Variants in ARHGAP15 observed in about 807,000 individuals in gnomAD.
The protein encoded by ARHGAP15 is Rho GTPase activating protein 15.
A neutral mutation model predicts 63.7 loss-of-function variants in ARHGAP15; 51 were observed. The ratio of observed to expected loss-of-function variants is 0.80; its 90% CI spans 0.64 to 1.01. The LOEUF is 1.01. Among genes scored for constraint, ARHGAP15 ranks in the 50% least tolerant of loss-of-function variants. ARHGAP15 has a pLI of 0.00. For missense variants in ARHGAP15, 560 were observed against 564.6 expected (o/e 0.99, Z 0.08); for synonymous variants, 191 against 193.8 (o/e 0.99, Z 0.12).
intron 6 of ARHGAP15, among the ~76,000 whole-genome samples, chr2:143,326,451 C>T (rs1449157641): frequency 6.6e-6 from 1 of 152,176 alleles, no homozygotes; most frequent in East Asian, 1.9e-4. Context: ...CTCTACACAG[C>T]ACTATTGAGA....
intron 11 of ARHGAP15, among the ~76,000 whole-genome samples, chr2:143,579,404 A>C (rs1488041851): frequency 6.6e-6 from 1 of 152,178 alleles, no homozygotes; most frequent in Non-Finnish European, 1.5e-5. Flanking sequence ...ATCTGTTTAA[A>C]TTTGAGTACC....
At chr2:143,188,044 GT>G (rs1226408983) in intron 2 of ARHGAP15, among the ~76,000 whole-genome samples, 2 of 151,866 alleles carry the variant, frequency 1.3e-5, no homozygotes, top group Admixed American at 6.6e-5. Context: ...CAACAGCTTT[GT>G]TTTTTTGTTG....
At chr2:143,565,940 A>T (rs1696201610) in intron 11 of ARHGAP15, among the ~76,000 whole-genome samples, 1 of 152,136 alleles carries the variant, frequency 6.6e-6, no homozygotes, top group African/African-American at 2.4e-5. Context: ...TTACAGCTTT[A>T]GTGACTCACA....
intron 6 of ARHGAP15, among the ~76,000 whole-genome samples, chr2:143,265,140 C>T (rs1471992477): frequency 1.3e-5 from 2 of 151,872 alleles, no homozygotes; most frequent in African/African-American, 2.4e-5. Context: ...TCAGAAAATG[C>T]TCATGGAACA....
At chr2:143,142,399 T>C (rs1042143171) in intron 1 of ARHGAP15, among the ~76,000 whole-genome samples, 7 of 152,102 alleles carry the variant, frequency 4.6e-5, no homozygotes, top group African/African-American at 1.4e-4. Context: ...TTCATTTAGG[T>C]CCTTGTTGTG....
intron 6 of ARHGAP15, among the ~76,000 whole-genome samples, chr2:143,255,184 T>C (rs1451855851): frequency 2.6e-5 from 4 of 152,090 alleles, no homozygotes; most frequent in African/African-American, 9.7e-5. Flanking sequence ...AAATCATGGC[T>C]GATTAGGAAT....
chr2:143,353,272 A>G (rs1685657055), intron 6 of ARHGAP15, among the ~76,000 whole-genome samples: 1 of 152,146 alleles, frequency 6.6e-6, no homozygotes, highest in Admixed American at 6.6e-5. Context: ...CCTGGACAAC[A>G]ATGTGAGATC....
At chr2:143,722,399 T>C (rs546428191) in intron 13 of ARHGAP15, among the ~76,000 whole-genome samples, 5 of 152,056 alleles carry the variant, frequency 3.3e-5, no homozygotes, top group Non-Finnish European at 7.4e-5. Flanking sequence ...TCAAAATTTA[T>C]CATTTGAAGT....
rs773463758 is a variant in ARHGAP15, at chr2:143,405,461, CAT to C, written c.475-30138_475-30137del. On this transcript the variant is annotated intron_variant, in intron 6 of 13. Transcript: ENST00000295095. ...AGTAAAATTTACTCCCTTTATAAAA[CAT>C]AAAAAATTTGTGCTCCCCTTTTCAC... Among the ~76,000 whole-genome samples the C allele has an allele frequency of 2.7e-4, 41 of 151,894 alleles. No individual in the cohort carries two copies. In the Middle Eastern group the frequency reaches 0.01, roughly 38 times the overall value.
rs1689967986 is a variant in ARHGAP15, at chr2:143,153,873, T to TCCTCCTCTTCCTCC, written c.-14-1604_-14-1603insCCTCCTCTTCCTCC. 2.3e-4 allele frequency among the ~76,000 whole-genome samples: 11 copies of TCCTCCTCTTCCTCC among 46,850 alleles called. 1 individual carries two copies. Among genetic ancestry groups the TCCTCCTCTTCCTCC allele is most frequent in the Non-Finnish European group, 1.9e-4 (4 of 20,646 alleles). 30.7% of individuals were successfully genotyped at this position (46,850 alleles called of 152,430 possible). A position where few individuals can be genotyped will look rare whatever the true frequency, so the allele number is the denominator to read the frequency against. On this transcript the variant is annotated intron_variant, in intron 1 of 13. Transcript: ENST00000295095. ...CCTCCTCCTCCTCCTCCTCCTCCTC[T>TCCTCCTCTTCCTCC]TCCTCCTCCTCCTCCTCCTCCTCCT...
At chr2:143,269,997 A>G (rs1339017397) in intron 6 of ARHGAP15, among the ~76,000 whole-genome samples, 1 of 152,136 alleles carries the variant, frequency 6.6e-6, no homozygotes, top group Non-Finnish European at 1.5e-5. Context: ...TTAAAAACAG[A>G]GTCTCGCTCT....
chr2:143,571,831 C>T (rs1696469501), intron 11 of ARHGAP15: 1 of 152,138 alleles, frequency 6.6e-6, no homozygotes, highest in African/African-American at 2.4e-5. Context: ...ATTCAATATC[C>T]CATCAGTCCT....
rs116256786 is a variant in ARHGAP15, at chr2:143,334,449, A to C, written c.474+83849A>C. ...AACTGTTGCACACACATATGTGTCC[A>C]TTTTTTTCTATTTTAAAGTTAAATT... is the stretch of plus-strand genomic sequence containing the variant. On this transcript the variant is annotated intron_variant, in intron 6 of 13. Coordinates refer to ENST00000295095, the MANE Select transcript of ARHGAP15 (RefSeq NM_018460.4). Among the ~76,000 whole-genome samples, 568 of 152,170 alleles carry C rather than the reference A, an allele frequency of 3.7e-3. 6 individuals are homozygous for C. The highest frequency in any genetic ancestry group is 0.013 in the African/African-American group (523 of 41,526).
At chr2:143,410,941 C>T (rs191847465) in intron 6 of ARHGAP15, among the ~76,000 whole-genome samples, 122 of 151,852 alleles carry the variant, frequency 8.0e-4, no homozygotes, top group African/African-American at 2.8e-3. Context: ...TGATGGCTCA[C>T]GCCTGTAATC....
chr2:143,302,876 G>C (rs1238459783), intron 6 of ARHGAP15, among the ~76,000 whole-genome samples: 1 of 151,912 alleles, frequency 6.6e-6, no homozygotes, highest in East Asian at 1.9e-4. Context: ...TTATATCTTT[G>C]AAGATAAATA....
chr2:143,268,805 A>C (rs1681126023), intron 6 of ARHGAP15, among the ~76,000 whole-genome samples: 1 of 152,114 alleles, frequency 6.6e-6, no homozygotes, highest in Non-Finnish European at 1.5e-5. Flanking sequence ...AGAAATATTC[A>C]AATTAAGAGT....
Position 143,436,954 on chromosome 2 carries a change from C to A in ARHGAP15, c.615C>A (p.Phe205Leu). Residue 205 changes from phenylalanine (F) to leucine (L), a missense_variant, in exon 8 of 14, where the codon TTC becomes TTA. Physicochemically the swap from Phe to Leu is conservative, Grantham distance 22. Coordinates refer to ENST00000295095, the MANE Select transcript of ARHGAP15 (RefSeq NM_018460.4). ...SSCPSRNLEL[F>L]KIQRSSSTEL... ...GTCCATCAAGAAACCTGGAATTATTCAAAATCCAAAGATCCTCTAGCACTG... is the reference window on the plus strand; with the variant it reads ...GTCCATCAAGAAACCTGGAATTATTAAAAATCCAAAGATCCTCTAGCACTG... The A allele has an allele frequency of 6.2e-7, 1 of 1,611,850 alleles. No individual in the cohort carries two copies. Among genetic ancestry groups the A allele is most frequent in the South Asian group, 1.1e-5 (1 of 90,488 alleles).
At chr2:143,455,155 G>T (rs1315702268) in intron 8 of ARHGAP15, among the ~76,000 whole-genome samples, 3 of 151,980 alleles carry the variant, frequency 2.0e-5, no homozygotes, top group Non-Finnish European at 4.4e-5. Context: ...CTGCTGGTTG[G>T]CTATTTTTAT....
At position 143,710,211 on chromosome 2, in the gene ARHGAP15, A is replaced by G. The variant is rs1191209254; in HGVS notation, c.1244+6687A>G. On this transcript the variant is annotated intron_variant, in intron 13 of 13. Transcript: ENST00000295095. ...ACACGGGTTGTGAGTTGTTTGAAAT[A>G]AGCCAGAAGCTTCATAGCTCCTTTG... is the stretch of plus-strand genomic sequence containing the variant. Among the ~76,000 whole-genome samples the G allele has an allele frequency of 3.3e-5, 5 of 152,062 alleles. No homozygotes were observed. The East Asian group carries it at 7.7e-4, about 24-fold the overall frequency.
Sources: gnomAD v4.1 joint callset for allele counts (sites outside exome capture counted in the v4.1 genomes callset) on GRCh38, gnomAD v4.1.1 for gene constraint, MANE v1.5 for transcripts, NCBI Gene and HGNC (gene_info 2026-07-23, HGNC 2026-07-21) for gene names.